Variants in IL1RAPL1 observed in about 807,000 individuals in gnomAD.
The protein encoded by IL1RAPL1 is interleukin-1 receptor accessory protein-like 1.
In IL1RAPL1, 3 loss-of-function variants were observed where a neutral mutation model predicts 48.4. That is an observed-to-expected ratio of 0.06 (90% CI 0.03 to 0.16). The LOEUF is 0.16. IL1RAPL1 is among the 10% of genes least tolerant of loss of function. The probability of loss-of-function intolerance (pLI) is 1.00; values close to 1 mark genes in which losing one functional copy is unlikely to be tolerated. For missense variants in IL1RAPL1, 349 were observed against 530.6 expected (o/e 0.66, Z 3.36); for synonymous variants, 185 against 187.7 (o/e 0.99, Z 0.12).
chrX:29,471,553 C>G (rs939559634), intron 5 of IL1RAPL1, among the ~76,000 whole-genome samples: 4 of 111,330 alleles, frequency 3.6e-5, no homozygotes, highest in African/African-American at 1.3e-4. Flanking sequence ...AGAGATGAGG[C>G]TATGACACGG....
At chrX:29,919,486 A>G (rs956894462) in intron 7 of IL1RAPL1, among the ~76,000 whole-genome samples, 7 of 112,622 alleles carry the variant, frequency 6.2e-5, no homozygotes, top group Non-Finnish European at 1.3e-4. Context: ...GCAATTTGTT[A>G]GTATCATTAA....
intron 6 of IL1RAPL1, among the ~76,000 whole-genome samples, chrX:29,669,085 A>G (rs1926078528): frequency 1.8e-5 from 2 of 111,685 alleles, no homozygotes; most frequent in Non-Finnish European, 3.8e-5. Flanking sequence ...ACAATTATAT[A>G]CGAATCAGAA....
At chrX:28,656,797 C>T (rs766274454) in intron 1 of IL1RAPL1, among the ~76,000 whole-genome samples, 20 of 110,878 alleles carry the variant, frequency 1.8e-4, no homozygotes, top group Non-Finnish European at 3.0e-4. Context: ...GAGGCCTAGG[C>T]GGGAGGATCA....
At chrX:28,858,262 C>T (rs1024684785) in intron 2 of IL1RAPL1, among the ~76,000 whole-genome samples, 1 of 112,247 alleles carries the variant, frequency 8.9e-6, no homozygotes, top group African/African-American at 3.2e-5. Context: ...GTTGAAATGA[C>T]AACAAAAGAT....
intron 6 of IL1RAPL1, among the ~76,000 whole-genome samples, chrX:29,705,351 A>T (rs921383223): frequency 1.8e-5 from 2 of 110,851 alleles, no homozygotes; most frequent in African/African-American, 6.6e-5. Context: ...AGTAGCCGGG[A>T]TTACAGGCGC....
At position 29,846,183 on chromosome X, in the gene IL1RAPL1, A is replaced by G. The variant is rs146635188; in HGVS notation, c.779-71281A>G. ...TTCATGTGTTATTAGTATCGCTGTT[A>G]CACTCTGATACTCCCACAAGATAAC... On this transcript the variant is annotated intron_variant, in intron 6 of 10. Transcript: ENST00000378993. Among the ~76,000 whole-genome samples the G allele has an allele frequency of 7.3e-4, 82 of 111,676 alleles. No homozygotes were observed. In the Middle Eastern group the frequency reaches 0.014, roughly 19 times the overall value.
At chrX:28,655,459 C>T (rs1157576391) in intron 1 of IL1RAPL1, among the ~76,000 whole-genome samples, 1 of 111,322 alleles carries the variant, frequency 9.0e-6, no homozygotes, top group Non-Finnish European at 1.9e-5. Flanking sequence ...ACAAATATTA[C>T]ATATCCTATT....
Position 29,419,255 on chromosome X carries a change from C to T in IL1RAPL1, c.703+19947C>T, listed in dbSNP as rs773570564. On this transcript the variant is annotated intron_variant, in intron 5 of 10. Transcript: ENST00000378993. The stretch of plus-strand genomic sequence containing the variant: ...AAGACAAAATAATTAATTACATATA[C>T]GTAATGACATATACTTCTTCTCATT... Among the ~76,000 whole-genome samples, 26 of 111,263 alleles carry T rather than the reference C, an allele frequency of 2.3e-4. No homozygotes were observed. The South Asian group carries it at 9.3e-3, about 40-fold the overall frequency.
chrX:29,584,584 C>T (rs181571709), intron 5 of IL1RAPL1, among the ~76,000 whole-genome samples: 9 of 111,402 alleles, frequency 8.1e-5, no homozygotes, highest in Non-Finnish European at 1.7e-4. Context: ...CTTCATCTTA[C>T]TTAAAATTAT....
chrX:28,896,418 T>A (rs1005802037), intron 2 of IL1RAPL1, among the ~76,000 whole-genome samples: 3 of 111,351 alleles, frequency 2.7e-5, no homozygotes, highest in African/African-American at 9.8e-5. Flanking sequence ...CTAGGCTGGG[T>A]TTTTCATATT....
At chrX:29,931,683 G>A (rs1932950793) in intron 8 of IL1RAPL1, among the ~76,000 whole-genome samples, 1 of 112,078 alleles carries the variant, frequency 8.9e-6, no homozygotes, top group Admixed American at 9.4e-5. Flanking sequence ...TAGAAAACAT[G>A]GCTTCTTCTA....
intron 2 of IL1RAPL1, among the ~76,000 whole-genome samples, chrX:29,281,206 C>G (rs1932197006): frequency 9.0e-6 from 1 of 111,288 alleles, no homozygotes; most frequent in South Asian, 3.8e-4. Context: ...TTGCAATATT[C>G]AAATGTTATT....
At chrX:28,961,084 G>A (rs922989855) in intron 2 of IL1RAPL1, among the ~76,000 whole-genome samples, 1 of 106,363 alleles carries the variant, frequency 9.4e-6, no homozygotes, top group Admixed American at 1.0e-4. Context: ...TAAATATTGC[G>A]AGTAATGTAA....
chrX:29,581,799 A>G (rs1922970072), intron 5 of IL1RAPL1, among the ~76,000 whole-genome samples: 1 of 111,453 alleles, frequency 9.0e-6, no homozygotes, highest in African/African-American at 3.3e-5. Context: ...AATATTATTG[A>G]CAACTCCCCA....
At chrX:29,695,597 C>CGACA (rs1926886448) in intron 6 of IL1RAPL1, among the ~76,000 whole-genome samples, 2 of 94,865 alleles carry the variant, frequency 2.1e-5, no homozygotes, top group African/African-American at 7.9e-5. Flanking sequence ...TGCAAGGTGG[C>CGACA]GAGAGAGAGA....
intron 1 of IL1RAPL1, among the ~76,000 whole-genome samples, chrX:28,603,581 A>G (rs2146879798): frequency 8.9e-6 from 1 of 111,755 alleles, no homozygotes; most frequent in South Asian, 3.8e-4. Flanking sequence ...ATATGACCTC[A>G]TTTATCTGGT....
chrX:28,774,486 T>C (rs1936341543), intron 1 of IL1RAPL1, among the ~76,000 whole-genome samples: 1 of 111,399 alleles, frequency 9.0e-6, no homozygotes, highest in Non-Finnish European at 1.9e-5. Flanking sequence ...GTTCACTCAA[T>C]AATGGTTTAC....
At position 28,780,361 on chromosome X, in the gene IL1RAPL1, G is replaced by GTC. The variant is rs1360625258; in HGVS notation, c.-24-8958_-24-8957insCT. Among the ~76,000 whole-genome samples, 222 of 95,454 alleles carry GTC rather than the reference G, an allele frequency of 2.3e-3. 2 individuals carry two copies. Among genetic ancestry groups the GTC allele is most frequent in the South Asian group, 7.2e-3 (14 of 1,944 alleles). 82.9% of individuals were successfully genotyped at this position (95,454 alleles called of 115,157 possible). On this transcript the variant is annotated intron_variant, in intron 1 of 10. Transcript: ENST00000378993. Reference sequence around the variant, plus strand: ...TGTGTGTGTGTGTGTGTGTGTGTGTGTGTGTCTGTCTGTCTGTCCAGAATC... The same window carrying GTC: ...TGTGTGTGTGTGTGTGTGTGTGTGTGTCTGTGTCTGTCTGTCTGTCCAGAATC...
At chrX:29,227,017 AGGAGTTTCAAGACAT>A (rs1313943397) in intron 2 of IL1RAPL1, among the ~76,000 whole-genome samples, 1 of 109,805 alleles carries the variant, frequency 9.1e-6, no homozygotes, top group South Asian at 3.9e-4. Context: ...TGTTAGTCAT[AGGAGTTTCAAGACAT>A]TTGAATCACC....
Sources: gnomAD v4.1 joint callset for allele counts (sites outside exome capture counted in the v4.1 genomes callset) on GRCh38, gnomAD v4.1.1 for gene constraint, MANE v1.5 for transcripts, NCBI Gene and HGNC (gene_info 2026-07-23, HGNC 2026-07-21) for gene names.